CDK18: variants seen among roughly 807,000 people sequenced by gnomAD.
The protein encoded by CDK18 is cyclin-dependent kinase 18.
CDK18 carries 52 observed loss-of-function variants against 62.0 expected under a neutral mutation model. The observed-to-expected ratio is 0.84, with a 90% CI of 0.67 to 1.06. CDK18 has a LOEUF of 1.06. Among genes scored for constraint, CDK18 ranks in the 50% least tolerant of loss-of-function variants. The pLI is 0.00. For synonymous variants in CDK18, 237 were observed against 247.0 expected, an observed-to-expected ratio of 0.96 and a Z score of 0.38; for missense variants, 604 against 619.9, an observed-to-expected ratio of 0.97 and a Z score of 0.27.
At position 205,517,658 on chromosome 1, in the gene CDK18, C is replaced by A. The variant is rs184889776; in HGVS notation, c.-21-5489C>A. ...AACCCTGCTGCAGAGTCATGCTTGA[C>A]TCTTTTCTCACCCACAACATACAAT... On this transcript the variant is annotated intron_variant, in intron 1 of 15. Transcript: ENST00000429964. The surrounding 1 kb of genome is among the most constrained non-coding windows in gnomAD (Gnocchi z 4.1). Among the ~76,000 whole-genome samples, 70 of 152,190 alleles carry A rather than the reference C, an allele frequency of 4.6e-4. 1 individual carries two copies. The highest frequency in any genetic ancestry group is 1.2e-3 in the South Asian group (6 of 4,814).
Position 205,531,661 on chromosome 1 carries a change from T to C in CDK18, c.*283T>C. ...TGAGGGGGGGGCGGTCCTCGTACCC[T>C]CTCCCACCCTGGTGTTTGGGCACCT... On this transcript the variant is annotated 3_prime_UTR_variant, in exon 16 of 16. Coordinates refer to ENST00000429964, the MANE Select transcript of CDK18 (RefSeq NM_212502.3). The C allele has an allele frequency of 2.3e-6, 1 of 439,884 alleles. No individual in the cohort carries two copies. The highest frequency in any genetic ancestry group is 3.8e-5 in the Admixed American group (1 of 26,372). 27.2% of individuals were successfully genotyped at this position (439,884 alleles called of 1,614,324 possible).
intron 13 of CDK18, 38 bp from the exon 14 acceptor site, chr1:205,530,221 C>T: frequency 6.2e-7 from 1 of 1,606,922 alleles, no homozygotes. Flanking sequence ...TTTGCAGCCC[C>T]CCAGCCGGGC....
intron 2 of CDK18, 21 bp downstream of exon 2, chr1:205,523,318 C>T (rs766298796): frequency 2.6e-5 from 42 of 1,613,744 alleles, no homozygotes; most frequent in Non-Finnish European, 3.4e-5. Context: ...TGGGCCCACC[C>T]AGCACCTCTC....
chr1:205,530,689 G>A lies in CDK18; in HGVS notation c.1374G>A (p.Leu458=). The A allele has an allele frequency of 1.2e-6, 2 of 1,613,796 alleles. No individual in the cohort carries two copies. The highest frequency in any genetic ancestry group is 1.7e-6 in the Non-Finnish European group (2 of 1,179,984). The stretch of plus-strand genomic sequence containing the variant: ...AGAAGGACCCAGGCTACCGAGGCTT[G>A]GCCTTCCAGCAGCCAGGTAGGGGCT... ...QLQKDPGYRG[L]AFQQPGRGKN... is the part of the protein sequence containing the mutation. The change falls in exon 15 of 16, where the codon TTG becomes TTA. Residue 458 remains leucine, a synonymous_variant. Coordinates refer to ENST00000429964, the MANE Select transcript of CDK18 (RefSeq NM_212502.3).
chr1:205,529,152 A>G, intron 11 of CDK18, 56 bp downstream of exon 11: 2 of 1,477,182 alleles, frequency 1.4e-6, no homozygotes. Context: ...GAACTCCTCC[A>G]GCCCAGGCGC....
At chr1:205,509,784 C>G (rs1372830029) in intron 1 of CDK18, among the ~76,000 whole-genome samples, 1 of 152,102 alleles carries the variant, frequency 6.6e-6, no homozygotes, top group African/African-American at 2.4e-5. Context: ...GAACTCTATT[C>G]TTAAAATGTT....
chr1:205,511,916 T>G (rs1423455542), intron 1 of CDK18, among the ~76,000 whole-genome samples: 1 of 152,118 alleles, frequency 6.6e-6, no homozygotes, highest in Non-Finnish European at 1.5e-5. Context: ...TAGCTGGGTG[T>G]GGTGTCGTGC....
intron 3 of CDK18, 66 bp from the exon 4 acceptor site, chr1:205,524,166 G>A: frequency 6.3e-7 from 1 of 1,593,958 alleles, no homozygotes; most frequent in Non-Finnish European, 8.6e-7. Context: ...TGAAAGTCTG[G>A]AGCCCCACAG....
At chr1:205,509,692 A>T (rs1667474655) in intron 1 of CDK18, among the ~76,000 whole-genome samples, 1 of 152,204 alleles carries the variant, frequency 6.6e-6, no homozygotes, top group Admixed American at 6.5e-5. Context: ...GGTAGTTCTC[A>T]GTGCCTTTGG....
At chr1:205,520,562 T>C (rs1668066403) in intron 1 of CDK18, among the ~76,000 whole-genome samples, 1 of 151,572 alleles carries the variant, frequency 6.6e-6, no homozygotes. Context: ...TAGCCGGGTG[T>C]GGTGGCGCGG....
intron 13 of CDK18, 143 bp from the exon 14 acceptor site, chr1:205,530,116 A>T (rs944603680): frequency 6.1e-5 from 89 of 1,464,528 alleles, no homozygotes; most frequent in Middle Eastern, 2.5e-4. Flanking sequence ...GGTTTGTGGT[A>T]GGGGCTGGAG....
At chr1:205,523,754 T>G in intron 3 of CDK18, 129 bp downstream of exon 3, 1 of 1,235,838 alleles carries the variant, frequency 8.1e-7, no homozygotes, top group Non-Finnish European at 1.1e-6. Context: ...ATTAGCTCTG[T>G]GACTTTGAGC....
At chr1:205,523,097 A>T in intron 1 of CDK18, 50 bp from the exon 2 acceptor site, 1 of 1,544,486 alleles carries the variant, frequency 6.5e-7, no homozygotes, top group Non-Finnish European at 8.7e-7. Flanking sequence ...GGAGACCTGG[A>T]CTGGTTGCCT....
At chr1:205,520,192 G>A (rs1240557418) in intron 1 of CDK18, among the ~76,000 whole-genome samples, 1 of 152,216 alleles carries the variant, frequency 6.6e-6, no homozygotes, top group Non-Finnish European at 1.5e-5. Context: ...AGCACAGGAG[G>A]GTGGCCTGGA....
At chr1:205,523,758 T>G in intron 3 of CDK18, 133 bp downstream of exon 3, 1 of 1,161,830 alleles carries the variant, frequency 8.6e-7, no homozygotes, top group Non-Finnish European at 1.2e-6. Flanking sequence ...GCTCTGTGAC[T>G]TTGAGCAAGT....
intron 1 of CDK18, among the ~76,000 whole-genome samples, chr1:205,506,442 C>T (rs866962640): frequency 7.2e-5 from 11 of 152,250 alleles, no homozygotes; most frequent in Middle Eastern, 6.8e-3. Flanking sequence ...GCTCTCCACG[C>T]GTGCCAGAAG....
chr1:205,527,900 T>C lies in CDK18; in HGVS notation c.836T>C (p.Leu279Pro). 6.2e-7 allele frequency: 1 copy of C among 1,614,032 alleles called. No individual in the cohort carries two copies. The highest frequency in any genetic ancestry group is 8.5e-7 in the Non-Finnish European group (1 of 1,180,002). The change falls in exon 9 of 16, where the codon CTG (leucine) becomes CCG (proline). Residue 279 changes from leucine (L) to proline (P), a missense_variant. By Grantham distance (98) the Leu-to-Pro change is moderately conservative. Transcript: ENST00000429964. The surrounding 1 kb of genome is among the most constrained non-coding windows in gnomAD (Gnocchi z 4.1). ...QNLLINERGE[L>P]KLADFGLARA... The stretch of plus-strand genomic sequence containing the variant: ...CTGCTCATCAACGAGAGGGGGGAGC[T>C]GAAGCTGGCCGACTTTGGTGAGGCT...
chr1:205,527,874 C>T lies in CDK18; in HGVS notation c.810C>T (p.Asn270=), dbSNP rs1668520945. The T allele has an allele frequency of 6.2e-7, 1 of 1,614,162 alleles. No individual in the cohort carries two copies. The highest frequency in any genetic ancestry group is 8.5e-7 in the Non-Finnish European group (1 of 1,180,026). ...TGCACCGGGACCTGAAGCCCCAGAA[C>T]CTGCTCATCAACGAGAGGGGGGAGC... The part of the protein sequence containing the change: ...KILHRDLKPQ[N]LLINERGELK... Residue 270 remains asparagine (N), a synonymous_variant, in exon 9 of 16, where the codon AAC becomes AAT. Coordinates refer to ENST00000429964, the MANE Select transcript of CDK18 (RefSeq NM_212502.3). This position sits in a 1 kb window ranked among gnomAD's most constrained non-coding sequence, Gnocchi z 4.1.
intron 1 of CDK18, among the ~76,000 whole-genome samples, chr1:205,508,570 G>T (rs1667418728): frequency 6.6e-6 from 1 of 152,242 alleles, no homozygotes; most frequent in Non-Finnish European, 1.5e-5. Flanking sequence ...AGGAGGAGGG[G>T]TAGTGAGGCA....
Sources: allele counts gnomAD v4.1 joint callset (sites outside exome capture counted in the v4.1 genomes callset), GRCh38; gene constraint gnomAD v4.1.1; non-coding constraint Gnocchi (gnomAD v3.1); transcripts MANE v1.5; gene names NCBI Gene and HGNC (gene_info 2026-07-23, HGNC 2026-07-21).